AKT3: variants seen among roughly 807,000 people sequenced by gnomAD.
AKT3 encodes RAC-gamma serine/threonine-protein kinase.
Under a neutral mutation model 65.3 loss-of-function variants are expected in AKT3, and 15 were observed. That is an observed-to-expected ratio of 0.23 (90% CI 0.15 to 0.35). AKT3 has a LOEUF of 0.35. Among genes scored for constraint, AKT3 ranks in the 10% least tolerant of loss-of-function variants. The pLI is 1.00. For missense variants in AKT3, 243 were observed against 576.5 expected, an observed-to-expected ratio of 0.42 and a Z score of 5.92; for synonymous variants, 206 against 183.8, an observed-to-expected ratio of 1.12 and a Z score of -0.98.
chr1:243,519,412 A>G (rs1174541130), intron 12 of AKT3, among the ~76,000 whole-genome samples: 2 of 152,218 alleles, frequency 1.3e-5, no homozygotes, highest in African/African-American at 2.4e-5. Flanking sequence ...TTCTATTAGT[A>G]TAATCCTGAA....
intron 6 of AKT3, among the ~76,000 whole-genome samples, chr1:243,616,371 G>A (rs915286853): frequency 1.6e-5 from 2 of 126,196 alleles, no homozygotes; most frequent in East Asian, 2.8e-4. Context: ...ATTTTAAAAT[G>A]TAAGTATATT....
intron 9 of AKT3, among the ~76,000 whole-genome samples, chr1:243,572,653 AATTT>A (rs928654491): frequency 6.6e-6 from 1 of 152,140 alleles, no homozygotes; most frequent in Non-Finnish European, 1.5e-5. Flanking sequence ...GTAACTTGTG[AATTT>A]ATTTGACTTA....
intron 11 of AKT3, among the ~76,000 whole-genome samples, chr1:243,550,521 T>C (rs1398414465): frequency 2.0e-5 from 3 of 152,054 alleles, no homozygotes; most frequent in Non-Finnish European, 2.9e-5. Flanking sequence ...TACATTTTGT[T>C]CTACTAGCCA....
chr1:243,810,446 G>A (rs1018071830), intron 2 of AKT3, among the ~76,000 whole-genome samples: 9 of 151,754 alleles, frequency 5.9e-5, no homozygotes, highest in African/African-American at 1.2e-4. Context: ...TAAATTCCTC[G>A]ACACATACAC....
intron 2 of AKT3, among the ~76,000 whole-genome samples, chr1:243,717,325 G>A (rs1032028773): frequency 6.6e-6 from 1 of 152,050 alleles, no homozygotes; most frequent in Non-Finnish European, 1.5e-5. Context: ...TTAAATTGTG[G>A]GTCAAGATTT....
chr1:243,570,547 A>C (rs1354789833), intron 9 of AKT3, among the ~76,000 whole-genome samples: 1 of 152,218 alleles, frequency 6.6e-6, no homozygotes, highest in Non-Finnish European at 1.5e-5. Flanking sequence ...CATGAGTTCC[A>C]AAAACCCTGA....
intron 7 of AKT3, 110 bp downstream of exon 7, chr1:243,614,986 A>G: frequency 2.4e-6 from 2 of 828,272 alleles, no homozygotes; most frequent in Non-Finnish European, 3.8e-6. Flanking sequence ...TCTTTCCACA[A>G]AGAAAATGAG....
chr1:243,649,288 A>C (rs1681083595), intron 4 of AKT3, among the ~76,000 whole-genome samples: 1 of 150,106 alleles, frequency 6.7e-6, no homozygotes, highest in East Asian at 2.0e-4. Context: ...GAATTATTTT[A>C]TGACCAAGAA....
At chr1:243,692,552 G>T (rs1331536518) in intron 3 of AKT3, among the ~76,000 whole-genome samples, 1 of 151,198 alleles carries the variant, frequency 6.6e-6, no homozygotes, top group Non-Finnish European at 1.5e-5. Flanking sequence ...GGCCAACATG[G>T]TGAAACCCCA....
chr1:243,598,852 GA>G (rs1365032391), intron 8 of AKT3, among the ~76,000 whole-genome samples: 36 of 152,190 alleles, frequency 2.4e-4, no homozygotes, highest in Admixed American at 2.2e-3. Flanking sequence ...TCTCCTTCTA[GA>G]AATCATGACT....
chr1:243,578,926 C>T (rs568223420), intron 8 of AKT3, among the ~76,000 whole-genome samples: 19 of 152,170 alleles, frequency 1.2e-4, no homozygotes, highest in African/African-American at 2.9e-4. Context: ...ACTAAAGTTA[C>T]GGTAATTATT....
At position 243,664,766 on chromosome 1, in the gene AKT3, T is replaced by C. The variant is rs777633843; in HGVS notation, c.284+6A>G. ...TTCACAAAATGAAAACAAGTGAATT[T>C]CTTACCTTTCCTCTGGAGTATCTAC... On this transcript the variant is annotated splice_donor_region_variant and intron_variant, in intron 4 of 13. Transcript: ENST00000673466. 3.5e-6 allele frequency: 5 copies of C among 1,432,366 alleles called. No homozygotes were observed. The South Asian group carries it at 7.1e-5, about 20-fold the overall frequency. 88.7% of individuals were successfully genotyped at this position (1,432,366 alleles called of 1,614,324 possible).
At chr1:243,585,882 G>A (rs1036491335) in intron 8 of AKT3, among the ~76,000 whole-genome samples, 19 of 151,982 alleles carry the variant, frequency 1.3e-4, no homozygotes, top group African/African-American at 4.6e-4. Flanking sequence ...ACCAAAAATC[G>A]ACAAGTGAGA....
chr1:243,657,677 A>C (rs917258334), intron 4 of AKT3, among the ~76,000 whole-genome samples: 1 of 152,148 alleles, frequency 6.6e-6, no homozygotes, highest in Non-Finnish European at 1.5e-5. Context: ...AAAGAATCCC[A>C]AACAGCTGAA....
At chr1:243,629,489 A>G (rs1414214080) in intron 6 of AKT3, among the ~76,000 whole-genome samples, 1 of 151,938 alleles carries the variant, frequency 6.6e-6, no homozygotes, top group Admixed American at 6.6e-5. Context: ...GGTCCCCAAA[A>G]TAAGTAGATA....
chr1:243,796,909 G>A (rs1041924987), intron 2 of AKT3, among the ~76,000 whole-genome samples: 2 of 152,086 alleles, frequency 1.3e-5, no homozygotes, highest in African/African-American at 4.8e-5. Context: ...ACTTACATGA[G>A]GCACTAAAGC....
At chr1:243,833,405 G>C (rs1223973530) in intron 2 of AKT3, among the ~76,000 whole-genome samples, 1 of 151,792 alleles carries the variant, frequency 6.6e-6, no homozygotes, top group African/African-American at 2.4e-5. Context: ...TTCTTCACAG[G>C]GCGGCAGGAA....
At chr1:243,577,764 G>C (rs1432585689) in intron 8 of AKT3, among the ~76,000 whole-genome samples, 3 of 151,966 alleles carry the variant, frequency 2.0e-5, no homozygotes, top group Non-Finnish European at 2.9e-5. Context: ...CTACAGAATG[G>C]GAGAAAATTT....
intron 2 of AKT3, among the ~76,000 whole-genome samples, chr1:243,748,870 G>A (rs1163310893): frequency 6.6e-6 from 1 of 152,114 alleles, no homozygotes; most frequent in Non-Finnish European, 1.5e-5. Flanking sequence ...CTTACCATAC[G>A]AATCAGAGTG....
Sources: allele counts gnomAD v4.1 joint callset (sites outside exome capture counted in the v4.1 genomes callset), GRCh38; gene constraint gnomAD v4.1.1; transcripts MANE v1.5; gene names NCBI Gene and HGNC (gene_info 2026-07-23, HGNC 2026-07-21).